Variants in DLEC1 observed in about 807,000 individuals in gnomAD.
DLEC1 encodes the protein DLEC1 cilia and flagella associated protein.
Under a neutral mutation model 198.1 loss-of-function variants are expected in DLEC1, and 146 were observed. The ratio of observed to expected loss-of-function variants is 0.74; its 90% confidence interval spans 0.64 to 0.85. The LOEUF is 0.85. DLEC1 is among the 40% of genes least tolerant of loss of function. The pLI is 0.00. For missense variants in DLEC1, 2,233 were observed against 2,220.0 expected (o/e 1.01, Z -0.12); for synonymous variants, 897 against 866.8 (o/e 1.03, Z -0.61).
intron 1 of DLEC1, among the ~76,000 whole-genome samples, chr3:38,041,760 A>G (rs1443962734): frequency 6.7e-6 from 1 of 148,900 alleles, no homozygotes. Flanking sequence ...AGACAGGAGA[A>G]TTGCATGAAC....
intron 6 of DLEC1, among the ~76,000 whole-genome samples, chr3:38,080,802 C>CTTTTT (rs76282097): frequency 1.8e-5 from 2 of 112,774 alleles, no homozygotes; most frequent in African/African-American, 6.8e-5. Flanking sequence ...TTCGGGTGTT[C>CTTTTT]TTTTTTTTTT....
chr3:38,088,995 A>G (rs1698607781), intron 10 of DLEC1, among the ~76,000 whole-genome samples: 2 of 152,090 alleles, frequency 1.3e-5, no homozygotes, highest in East Asian at 3.9e-4. Context: ...TCCCTGTTGC[A>G]GCACACTGCC....
chr3:38,048,598 C>T (rs1345392779), intron 2 of DLEC1, among the ~76,000 whole-genome samples: 7 of 152,304 alleles, frequency 4.6e-5, no homozygotes, highest in East Asian at 3.9e-4. Context: ...GATGATCAAA[C>T]GACTTCCCTG....
In DLEC1 at chr3:38,062,335, T is replaced by A. The variant is rs1296925918; in HGVS notation, c.840T>A (p.Pro280=). 3 of 1,614,176 alleles carry A rather than the reference T, an allele frequency of 1.9e-6. No homozygotes were observed. In the South Asian group the frequency reaches 3.3e-5, roughly 18 times the overall value. ...ACAGCCTGACATGGAATTTAACTCCTAAGGCCAAAGAAAGGACCAGAGAAC... is the reference window on the plus strand; with the variant it reads ...ACAGCCTGACATGGAATTTAACTCCAAAGGCCAAAGAAAGGACCAGAGAAC... The part of the protein sequence containing the change: ...TVDSLTWNLT[P]KAKERTREPL... Residue 280 remains proline, a synonymous_variant, in exon 4 of 37, where the codon CCT becomes CCA. Transcript: ENST00000308059.
chr3:38,120,683 G>A, intron 34 of DLEC1, 74 bp downstream of exon 34: 1 of 1,586,678 alleles, frequency 6.3e-7, no homozygotes, highest in Non-Finnish European at 8.6e-7. Flanking sequence ...GGCCAGAGGA[G>A]GAAAGACCTA....
At chr3:38,094,099 C>G (rs1045757839) in intron 12 of DLEC1, among the ~76,000 whole-genome samples, 7 of 152,186 alleles carry the variant, frequency 4.6e-5, no homozygotes, top group African/African-American at 1.4e-4. Flanking sequence ...AGTGCTGCCC[C>G]AAATCATCCT....
At chr3:38,071,259 G>A (rs911823808) in intron 6 of DLEC1, among the ~76,000 whole-genome samples, 1 of 152,216 alleles carries the variant, frequency 6.6e-6, no homozygotes, top group East Asian at 1.9e-4. Context: ...AGAAAAATGG[G>A]TATTAAAGGA....
chr3:38,097,697 T>G lies in DLEC1; in HGVS notation c.2566-47T>G, dbSNP rs200442361. On this transcript the variant is annotated intron_variant, in intron 17 of 36. Transcript: ENST00000308059. ...CAGAGAGGTGGCAGGGCTGGGACAC[T>G]GAGCCATCCCCAGGTGGCCCAGTGA... 6 of 1,613,598 alleles carry G rather than the reference T, an allele frequency of 3.7e-6. No individual in the cohort carries two copies. The African/African-American group carries it at 5.3e-5, about 14-fold the overall frequency.
chr3:38,058,051 C>A (rs1405067986), intron 2 of DLEC1, among the ~76,000 whole-genome samples: 2 of 152,122 alleles, frequency 1.3e-5, no homozygotes, highest in Non-Finnish European at 2.9e-5. Flanking sequence ...GATCCGCCTG[C>A]CTCAGCCTCC....
intron 6 of DLEC1, among the ~76,000 whole-genome samples, chr3:38,070,536 TG>T (rs1697257995): frequency 1.3e-5 from 2 of 152,232 alleles, no homozygotes; most frequent in African/African-American, 4.8e-5. Flanking sequence ...ACAAGCTTTG[TG>T]TGAGCAATAA....
rs1559400142 is a variant in DLEC1, at chr3:38,056,099, ACACACACACACACACAC to A, written c.563-3642_563-3626del. On this transcript the variant is annotated intron_variant, in intron 2 of 36. Transcript: ENST00000308059. ...CACACACACACACACACACACACAC[ACACACACACACACACAC>A]AAATAGCTGAGTGTGGTGGCATGCG... Among the ~76,000 whole-genome samples, 44 of 144,778 alleles carry A rather than the reference ACACACACACACACACAC, an allele frequency of 3.0e-4. 1 individual carries two copies. Among genetic ancestry groups the A allele is most frequent in the African/African-American group, 1.1e-3 (40 of 35,170 alleles). 95.0% of individuals were successfully genotyped at this position (144,778 alleles called of 152,430 possible). A position where few individuals can be genotyped will look rare whatever the true frequency, so the allele number is the denominator to read the frequency against.
intron 2 of DLEC1, among the ~76,000 whole-genome samples, chr3:38,054,057 G>A (rs1015195483): frequency 6.6e-5 from 10 of 151,946 alleles, no homozygotes; most frequent in African/African-American, 1.9e-4. Flanking sequence ...CAAACACTGC[G>A]GAAGGCCGCA....
chr3:38,082,356 C>T lies in DLEC1; in HGVS notation c.1174-1802C>T, dbSNP rs1254559683. Among the ~76,000 whole-genome samples, 154 of 147,612 alleles carry T rather than the reference C, an allele frequency of 1.0e-3. 1 individual carries two copies. The highest frequency in any genetic ancestry group is 2.7e-3 in the Admixed American group (40 of 14,964). ...GGCTCCTCACATCCCAGACGATGGG[C>T]GGCCAGGCAGAGACACTCCTCACTT... is the stretch of plus-strand genomic sequence containing the variant. On this transcript the variant is annotated intron_variant, in intron 6 of 36. Transcript: ENST00000308059.
At chr3:38,078,544 G>A (rs963626003) in intron 6 of DLEC1, among the ~76,000 whole-genome samples, 3 of 152,166 alleles carry the variant, frequency 2.0e-5, no homozygotes, top group Non-Finnish European at 2.9e-5. Flanking sequence ...AATCAGCAGG[G>A]AGAGCACGTG....
intron 26 of DLEC1, 111 bp downstream of exon 26, chr3:38,114,571 T>C (rs1013443797): frequency 1.8e-5 from 20 of 1,084,668 alleles, no homozygotes; most frequent in South Asian, 5.5e-5. Context: ...CCTAGGGCCA[T>C]TGGTGCCACC....
intron 19 of DLEC1, among the ~76,000 whole-genome samples, chr3:38,102,051 C>T (rs1699333658): frequency 6.6e-6 from 1 of 152,182 alleles, no homozygotes; most frequent in African/African-American, 2.4e-5. Context: ...ATCCAAGGGC[C>T]CAACACTTTT....
At chr3:38,081,520 C>T (rs1469888092) in intron 6 of DLEC1, among the ~76,000 whole-genome samples, 9 of 96,208 alleles carry the variant, frequency 9.4e-5, no homozygotes, top group East Asian at 4.4e-4. Flanking sequence ...TAGGGGCGGC[C>T]GGGCAGAGGC....
rs748383368 is a variant in DLEC1 at position 38,116,618 on chromosome 3, C to T, written c.4022C>T (p.Pro1341Leu). ...GGCTGCCTCCTCTGGTCCCCAGGCC[C>T]CTCCAGTTCATCGGAATTCAGCCAT... ...EGGCLLWSPG[P>L]SSSSEFSHET... The change falls in exon 28 of 37, where the codon CCC becomes CTC. Residue 1341 changes from proline to leucine, a missense_variant. By Grantham distance (98) the Pro-to-Leu change is moderately conservative. Transcript: ENST00000308059. The T allele has an allele frequency of 6.2e-6, 10 of 1,614,008 alleles. No individual in the cohort carries two copies. The highest frequency in any genetic ancestry group is 8.5e-7 in the Non-Finnish European group (1 of 1,179,998).
intron 3 of DLEC1, among the ~76,000 whole-genome samples, chr3:38,061,042 A>G (rs776027382): frequency 6.6e-6 from 1 of 152,202 alleles, no homozygotes; most frequent in Non-Finnish European, 1.5e-5. Context: ...GTCAATAAGA[A>G]TGGGGCTAAC....
Sources: allele counts gnomAD v4.1 joint callset (sites outside exome capture counted in the v4.1 genomes callset), GRCh38; gene constraint gnomAD v4.1.1; transcripts MANE v1.5; gene names NCBI Gene and HGNC (gene_info 2026-07-23, HGNC 2026-07-21).